The following TRPS1 variants were observed in gnomAD, a reference collection of about 807,000 sequenced individuals.
TRPS1 encodes transcriptional repressor GATA binding 1, also known as zinc finger transcription factor Trps1.
A neutral mutation model predicts 101.2 loss-of-function variants in TRPS1; 6 were observed. The observed-to-expected ratio is 0.06, with a 90% CI of 0.03 to 0.12. The LOEUF is 0.12. Ranked by LOEUF, TRPS1 falls within the 10% of genes least tolerant of loss-of-function variation. TRPS1 has a pLI of 1.00. For missense variants in TRPS1, 1,363 were observed against 1,567.0 expected (o/e 0.87, Z 2.20); for synonymous variants, 578 against 589.8 (o/e 0.98, Z 0.29).
intron 5 of TRPS1, among the ~76,000 whole-genome samples, chr8:115,518,196 G>A (rs1815769136): frequency 6.6e-6 from 1 of 151,800 alleles, no homozygotes; most frequent in Non-Finnish European, 1.5e-5. Flanking sequence ...TTGATGGGAA[G>A]TGTTTCCAAA....
At chr8:115,602,212 G>T (rs184756522) in intron 4 of TRPS1, among the ~76,000 whole-genome samples, 2 of 151,844 alleles carry the variant, frequency 1.3e-5, no homozygotes, top group East Asian at 3.9e-4. Context: ...GTTCTGGCTG[G>T]TTTCCTCATG....
intron 5 of TRPS1, among the ~76,000 whole-genome samples, chr8:115,457,546 C>T (rs1814061213): frequency 6.6e-6 from 1 of 152,076 alleles, no homozygotes; most frequent in Non-Finnish European, 1.5e-5. Flanking sequence ...GTGATGGTTG[C>T]ACAACATTAG....
rs185657004 is a variant in TRPS1 at position 115,515,007 on chromosome 8, T to C, written c.2700+71994A>G. On this transcript the variant is annotated intron_variant, in intron 5 of 6. Transcript: ENST00000395715. Reference sequence around the variant, plus strand: ...CAACCTAAGACTAGAAAGGAACCTCTAGAGATGATCAAGTACATACTTAAG... The same window carrying C: ...CAACCTAAGACTAGAAAGGAACCTCCAGAGATGATCAAGTACATACTTAAG... Among the ~76,000 whole-genome samples the C allele has an allele frequency of 2.5e-3, 379 of 151,736 alleles. 2 individuals carry two copies. The highest frequency in any genetic ancestry group is 9.0e-3 in the Admixed American group (137 of 15,188).
At chr8:115,438,870 G>A (rs776541534) in intron 5 of TRPS1, among the ~76,000 whole-genome samples, 1 of 152,030 alleles carries the variant, frequency 6.6e-6, no homozygotes, top group Admixed American at 6.6e-5. Context: ...AAGGAAAATT[G>A]TAAATTCACA....
intron 1 of TRPS1, chr8:115,668,019 G>T: frequency 1.3e-6 from 1 of 766,894 alleles, no homozygotes; most frequent in Non-Finnish European, 2.0e-6. Flanking sequence ...AAATCAGCCA[G>T]AAAGAGACAG....
chr8:115,516,806 C>T (rs1274986040), intron 5 of TRPS1, among the ~76,000 whole-genome samples: 2 of 151,372 alleles, frequency 1.3e-5, no homozygotes, highest in Non-Finnish European at 3.0e-5. Context: ...ACTAAAACAC[C>T]GTTAAGCTTA....
chr8:115,507,765 A>G (rs1815483085), intron 5 of TRPS1, among the ~76,000 whole-genome samples: 1 of 152,130 alleles, frequency 6.6e-6, no homozygotes, highest in Non-Finnish European at 1.5e-5. Context: ...GAACAAGCAA[A>G]CAGATTGAGA....
chr8:115,630,826 A>C (rs1322399660), intron 1 of TRPS1, among the ~76,000 whole-genome samples: 1 of 152,038 alleles, frequency 6.6e-6, no homozygotes, highest in Non-Finnish European at 1.5e-5. Flanking sequence ...TTGGGTCTGA[A>C]GGAATCTAAA....
chr8:115,472,265 T>A (rs1174057223), intron 5 of TRPS1, among the ~76,000 whole-genome samples: 1 of 152,250 alleles, frequency 6.6e-6, no homozygotes, highest in African/African-American at 2.4e-5. Flanking sequence ...TCTTGACTTC[T>A]GTGAACCTTC....
At chr8:115,495,688 T>TA (rs3839860) in intron 5 of TRPS1, among the ~76,000 whole-genome samples, 57 of 148,160 alleles carry the variant, frequency 3.8e-4, no homozygotes, top group Non-Finnish European at 5.1e-4. Flanking sequence ...TATCATCTGT[T>TA]AAAAAAAAAA....
At chr8:115,423,038 G>T (rs569635622) in intron 5 of TRPS1, among the ~76,000 whole-genome samples, 30 of 152,288 alleles carry the variant, frequency 2.0e-4, no homozygotes, top group Admixed American at 3.3e-4. Context: ...AAGCCGCAAA[G>T]AGTAGCTGCA....
chr8:115,500,242 C>T (rs914401068), intron 5 of TRPS1, among the ~76,000 whole-genome samples: 6 of 151,972 alleles, frequency 3.9e-5, no homozygotes, highest in African/African-American at 1.5e-4. Context: ...GTTGGCCAGG[C>T]TGGTCTCGAA....
chr8:115,464,079 T>G (rs895581490), intron 5 of TRPS1, among the ~76,000 whole-genome samples: 1 of 113,206 alleles, frequency 8.8e-6, no homozygotes, highest in Non-Finnish European at 1.9e-5. Flanking sequence ...TGTTGTTTAT[T>G]ATAAAAAAAC....
chr8:115,660,164 A>G (rs1356673545), intron 1 of TRPS1, among the ~76,000 whole-genome samples: 3 of 151,994 alleles, frequency 2.0e-5, no homozygotes, highest in Non-Finnish European at 2.9e-5. Context: ...TACACTATTT[A>G]TAAACATATC....
chr8:115,634,398 G>A (rs1231123556), intron 1 of TRPS1, among the ~76,000 whole-genome samples: 1 of 152,148 alleles, frequency 6.6e-6, no homozygotes, highest in African/African-American at 2.4e-5. Context: ...CACATGGAAA[G>A]AAAAGGATGT....
chr8:115,576,286 T>G lies in TRPS1; in HGVS notation c.2700+10715A>C, dbSNP rs201488903. On this transcript the variant is annotated intron_variant, in intron 5 of 6. Coordinates refer to ENST00000395715, the MANE Select transcript of TRPS1 (RefSeq NM_014112.5). ...TTTAAGAATTTGTAGTTCATATATA[T>G]ATATAGATATAGATATAGATATAGA... Among the ~76,000 whole-genome samples the G allele has an allele frequency of 5.6e-3, 727 of 130,690 alleles. 3 individuals carry two copies. The highest frequency in any genetic ancestry group is 0.017 in the East Asian group (70 of 4,162). The allele number at this position is 130,690 out of a possible 152,430, so 85.7% of individuals were successfully genotyped here.
intron 5 of TRPS1, among the ~76,000 whole-genome samples, chr8:115,537,665 G>A (rs2130295881): frequency 6.6e-6 from 1 of 152,234 alleles, no homozygotes; most frequent in South Asian, 2.1e-4. Flanking sequence ...TTTAACTTAG[G>A]AGAAAATACA....
chr8:115,496,332 C>T (rs996932656), intron 5 of TRPS1, among the ~76,000 whole-genome samples: 1 of 151,944 alleles, frequency 6.6e-6, no homozygotes, highest in African/African-American at 2.4e-5. Flanking sequence ...AAATAAAGAC[C>T]ATTGTGTTAT....
At chr8:115,613,957 C>T (rs1223908628) in intron 3 of TRPS1, among the ~76,000 whole-genome samples, 1 of 152,206 alleles carries the variant, frequency 6.6e-6, no homozygotes, top group African/African-American at 2.4e-5. Context: ...AAACGTATAA[C>T]ATTTGCCTCA....
Sources: allele counts gnomAD v4.1 joint callset (sites outside exome capture counted in the v4.1 genomes callset), GRCh38; gene constraint gnomAD v4.1.1; transcripts MANE v1.5; gene names NCBI Gene and HGNC (gene_info 2026-07-23, HGNC 2026-07-21).